CA10: variants seen among roughly 807,000 people sequenced by gnomAD.
CA10 encodes the protein carbonic anhydrase 10 (inactive), also known as carbonic anhydrase-related protein 10.
A neutral mutation model predicts 44.2 loss-of-function variants in CA10; 14 were observed. That is an observed-to-expected ratio of 0.32 (90% CI 0.21 to 0.50). The LOEUF (loss-of-function observed/expected upper bound fraction) is 0.50. Ranked by LOEUF, CA10 falls within the 20% of genes least tolerant of loss-of-function variation. The pLI is 0.99. For missense variants in CA10, 350 were observed against 409.7 expected (o/e 0.85, Z 1.26); for synonymous variants, 159 against 141.6 (o/e 1.12, Z -0.87).
intron 3 of CA10, among the ~76,000 whole-genome samples, chr17:51,834,897 T>C (rs1241992144): frequency 1.3e-5 from 2 of 152,340 alleles, no homozygotes; most frequent in Non-Finnish European, 2.9e-5. Flanking sequence ...GGCAAATTTA[T>C]GGGCAGAGGA....
Position 51,720,998 on chromosome 17 carries a change from C to T in CA10, c.465+26635G>A, listed in dbSNP as rs1598008790. On this transcript the variant is annotated intron_variant, in intron 4 of 8. Transcript: ENST00000451037. ...CCTAGATCAAAACATCACATTGTAT[C>T]CCACATATATACACAATTATTATTT... Among the ~76,000 whole-genome samples, 3 of 152,312 alleles carry T rather than the reference C, an allele frequency of 2.0e-5. No individual in the cohort carries two copies. The East Asian group carries it at 5.8e-4, about 29-fold the overall frequency.
intron 4 of CA10, among the ~76,000 whole-genome samples, chr17:51,693,074 T>TAGCCAATTTGGACTAGTTTC (rs1005273778): frequency 1.3e-5 from 2 of 152,216 alleles, no homozygotes; most frequent in Non-Finnish European, 2.9e-5. Context: ...TTACTAGTTA[T>TAGCCAATTTGGACTAGTTTC]AGCCAATTTG....
chr17:51,894,856 A>G (rs1260562588), intron 3 of CA10, among the ~76,000 whole-genome samples: 1 of 152,120 alleles, frequency 6.6e-6, no homozygotes, highest in Non-Finnish European at 1.5e-5. Context: ...AGAAAGAGAT[A>G]CAGATGGAGG....
At chr17:51,689,058 G>A (rs75837058) in intron 4 of CA10, among the ~76,000 whole-genome samples, 9,754 of 152,144 alleles carry the variant, frequency 0.064, 1,057 homozygotes, top group African/African-American at 0.22. Context: ...AAACCTGGGC[G>A]TTTCAGCTCC....
chr17:51,810,506 G>C (rs1907318426), intron 3 of CA10, among the ~76,000 whole-genome samples: 1 of 152,100 alleles, frequency 6.6e-6, no homozygotes, highest in East Asian at 1.9e-4. Context: ...GAGAGGAAGG[G>C]CATTCCAAGG....
rs182213536 is a variant in CA10 at position 52,003,318 on chromosome 17, T to C, written c.136+69001A>G. Among the ~76,000 whole-genome samples, 172 of 152,036 alleles carry C rather than the reference T, an allele frequency of 1.1e-3. 2 individuals carry two copies. Among genetic ancestry groups the C allele is most frequent in the Non-Finnish European group, 3.2e-4 (22 of 67,932 alleles). ...ATGGCTCCCCACGGATGCCCTCCAG[T>C]TTATAAAGATGCCTGTCCTGTGGGT... On this transcript the variant is annotated intron_variant, in intron 2 of 8. Transcript: ENST00000451037.
intron 2 of CA10, among the ~76,000 whole-genome samples, chr17:51,967,773 A>C (rs1195295865): frequency 6.6e-6 from 1 of 151,764 alleles, no homozygotes; most frequent in African/African-American, 2.4e-5. Context: ...TCTGAACATC[A>C]GCATCACGAA....
intron 1 of CA10, among the ~76,000 whole-genome samples, chr17:52,115,888 T>G (rs1007945619): frequency 4.6e-5 from 7 of 152,224 alleles, no homozygotes; most frequent in Non-Finnish European, 8.8e-5. Context: ...GGTCAAGAGA[T>G]CGAGACCATC....
At chr17:51,735,519 C>T (rs905411315) in intron 4 of CA10, among the ~76,000 whole-genome samples, 2 of 148,464 alleles carry the variant, frequency 1.3e-5, no homozygotes, top group Non-Finnish European at 3.0e-5. Context: ...GAACATGTAC[C>T]CCCCACCCCG....
intron 1 of CA10, among the ~76,000 whole-genome samples, chr17:52,136,811 T>C (rs187211143): frequency 1.6e-4 from 24 of 152,318 alleles, no homozygotes; most frequent in African/African-American, 5.3e-4. Context: ...AGAGTATATT[T>C]CATGTATATT....
At chr17:51,809,031 C>T (rs113360779) in intron 3 of CA10, among the ~76,000 whole-genome samples, 68 of 151,222 alleles carry the variant, frequency 4.5e-4, no homozygotes, top group African/African-American at 1.4e-3. Context: ...AATCAGTAAA[C>T]TGAAGTTTAT....
intron 4 of CA10, among the ~76,000 whole-genome samples, chr17:51,681,024 G>T (rs540480153): frequency 8.7e-4 from 132 of 152,282 alleles, no homozygotes; most frequent in African/African-American, 3.1e-3. Context: ...AGATTTGCAT[G>T]ATGGGTGAAG....
At chr17:51,934,129 A>C (rs964736642) in intron 2 of CA10, among the ~76,000 whole-genome samples, 13 of 152,090 alleles carry the variant, frequency 8.5e-5, no homozygotes, top group Admixed American at 7.9e-4. Context: ...CTGAACTGCT[A>C]TCTAAGTTTA....
At chr17:51,739,631 G>C (rs1954114573) in intron 4 of CA10, among the ~76,000 whole-genome samples, 1 of 152,130 alleles carries the variant, frequency 6.6e-6, no homozygotes, top group African/African-American at 2.4e-5. Flanking sequence ...GGCTGCACTA[G>C]TGACTATCCA....
At position 52,122,954 on chromosome 17, in the gene CA10, CT is replaced by C. The variant is rs567122263; in HGVS notation, c.61+34771del. Among the ~76,000 whole-genome samples, 429 of 151,548 alleles carry C rather than the reference CT, an allele frequency of 2.8e-3. 1 individual carries two copies. The highest frequency in any genetic ancestry group is 5.0e-3 in the Non-Finnish European group (339 of 67,858). On this transcript the variant is annotated intron_variant, in intron 1 of 8. Coordinates refer to ENST00000451037, the MANE Select transcript of CA10 (RefSeq NM_020178.5). ...TAACCAGGGCTTGTGTTTTGAAATACTTTTTTTTTGCCAAACATTTATGAAT... is the reference window on the plus strand; with the variant it reads ...TAACCAGGGCTTGTGTTTTGAAATACTTTTTTTTGCCAAACATTTATGAAT...
At chr17:52,108,131 C>T (rs1988699351) in intron 1 of CA10, among the ~76,000 whole-genome samples, 1 of 143,138 alleles carries the variant, frequency 7.0e-6, no homozygotes, top group African/African-American at 2.5e-5. Context: ...ATTGTATTTG[C>T]TTTTTAAAAA....
At chr17:51,938,979 G>T (rs969889403) in intron 2 of CA10, among the ~76,000 whole-genome samples, 1 of 152,012 alleles carries the variant, frequency 6.6e-6, no homozygotes, top group Non-Finnish European at 1.5e-5. Flanking sequence ...TGTATGTATG[G>T]TAACAGGTCA....
chr17:52,136,121 A>G (rs1435886442), intron 1 of CA10, among the ~76,000 whole-genome samples: 1 of 152,184 alleles, frequency 6.6e-6, no homozygotes, highest in African/African-American at 2.4e-5. Context: ...CTGTGTGGAG[A>G]CAAGTCTCAG....
chr17:51,989,675 A>G (rs1984972312), intron 2 of CA10, among the ~76,000 whole-genome samples: 2 of 152,098 alleles, frequency 1.3e-5, no homozygotes, highest in Non-Finnish European at 1.5e-5. Context: ...GTTGGAGGCC[A>G]TTATCCTTAG....
Sources: allele counts gnomAD v4.1 joint callset (sites outside exome capture counted in the v4.1 genomes callset), GRCh38; gene constraint gnomAD v4.1.1; transcripts MANE v1.5; gene names NCBI Gene and HGNC (gene_info 2026-07-23, HGNC 2026-07-21).